Variants in GOLGA4 observed in about 807,000 individuals in gnomAD.
GOLGA4 encodes golgin subfamily A member 4.
GOLGA4 carries 169 observed loss-of-function variants against 265.9 expected under a neutral mutation model. That is an observed-to-expected ratio of 0.64 (90% CI 0.56 to 0.72). The LOEUF is 0.72. GOLGA4 is among the 30% of genes least tolerant of loss of function. The pLI is 0.00. For synonymous variants in GOLGA4, 923 were observed against 855.8 expected, an observed-to-expected ratio of 1.08 and a Z score of -1.37; for missense variants, 2,482 against 2,483.4, an observed-to-expected ratio of 1.00 and a Z score of 0.01.
At chr3:37,343,451 A>C (rs982537383) in intron 20 of GOLGA4, among the ~76,000 whole-genome samples, 1 of 151,458 alleles carries the variant, frequency 6.6e-6, no homozygotes, top group African/African-American at 2.4e-5. Context: ...TCCTGAACTC[A>C]GGTATCTGCC....
chr3:37,270,202 CTTTTTTT>C (rs144373648), intron 2 of GOLGA4, among the ~76,000 whole-genome samples: 2 of 99,898 alleles, frequency 2.0e-5, no homozygotes, highest in Non-Finnish European at 3.9e-5. Flanking sequence ...CCAGTTGTAG[CTTTTTTT>C]TTTTTTTTTT....
chr3:37,336,084 G>A (rs2097011158), intron 17 of GOLGA4, among the ~76,000 whole-genome samples: 1 of 152,206 alleles, frequency 6.6e-6, no homozygotes, highest in African/African-American at 2.4e-5. Flanking sequence ...CAGAGAAAGA[G>A]CCTCTATAAA....
At chr3:37,294,044 G>C (rs1025913978) in intron 5 of GOLGA4, among the ~76,000 whole-genome samples, 1 of 152,120 alleles carries the variant, frequency 6.6e-6, no homozygotes, top group Non-Finnish European at 1.5e-5. Context: ...TGTGTGGTCC[G>C]TCATCTTCCA....
rs74933218 is a variant in GOLGA4 at position 37,265,399 on chromosome 3, G to T, written c.162+13915G>T. The stretch of plus-strand genomic sequence containing the variant: ...ACATACTTTAGAGAAAAATAATGTG[G>T]TATGTAAGTACAAATAAATGATTAA... On this transcript the variant is annotated intron_variant, in intron 2 of 23. Coordinates refer to ENST00000361924, the MANE Select transcript of GOLGA4 (RefSeq NM_002078.5). Among the ~76,000 whole-genome samples, 1,380 of 152,168 alleles carry T rather than the reference G, an allele frequency of 9.1e-3. 28 individuals carry two copies. Among genetic ancestry groups the T allele is most frequent in the African/African-American group, 0.032 (1,314 of 41,520 alleles).
At chr3:37,267,072 T>A (rs1300309513) in intron 2 of GOLGA4, 1 of 316,058 alleles carries the variant, frequency 3.2e-6, no homozygotes, top group Non-Finnish European at 6.2e-6. Flanking sequence ...TTGCTAACCC[T>A]GCTCTAAAAA....
Position 37,243,514 on chromosome 3 carries a change from G to A in GOLGA4, c.-37G>A, listed in dbSNP as rs1214075290. 1.9e-6 allele frequency: 3 copies of A among 1,599,958 alleles called. No individual in the cohort carries two copies. The highest frequency in any genetic ancestry group is 2.2e-5 in the South Asian group (2 of 90,782). ...GACTCCCCGGGCTCTCGCCCTTCAG[G>A]TTTCGTTGACACTCAGGACCGTACG... is the stretch of plus-strand genomic sequence containing the variant. On this transcript the variant is annotated 5_prime_UTR_variant, in exon 1 of 24. Transcript: ENST00000361924.
intron 17 of GOLGA4, among the ~76,000 whole-genome samples, chr3:37,336,243 C>T (rs2097012012): frequency 1.3e-5 from 2 of 151,866 alleles, no homozygotes; most frequent in Admixed American, 1.3e-4. Flanking sequence ...GCCATTTAGT[C>T]ATGTAGTCAT....
At chr3:37,334,611 A>G (rs992209919) in intron 16 of GOLGA4, among the ~76,000 whole-genome samples, 7 of 152,186 alleles carry the variant, frequency 4.6e-5, no homozygotes, top group African/African-American at 9.7e-5. Flanking sequence ...TTTAATGACT[A>G]TTTTCTAGAA....
At chr3:37,353,788 C>T (rs2097082286) in intron 21 of GOLGA4, among the ~76,000 whole-genome samples, 1 of 151,976 alleles carries the variant, frequency 6.6e-6, no homozygotes, top group Non-Finnish European at 1.5e-5. Flanking sequence ...ATGGGGGTCT[C>T]ACTATGTTTC....
At chr3:37,285,913 C>A (rs1364803045) in intron 3 of GOLGA4, 101 bp from the exon 4 acceptor site, 2 of 655,158 alleles carry the variant, frequency 3.1e-6, no homozygotes, top group South Asian at 2.0e-5. Context: ...AAGGACTCTT[C>A]TAATTTATTT....
chr3:37,298,108 G>GGGTTC (rs1411687091), intron 7 of GOLGA4, among the ~76,000 whole-genome samples: 5 of 152,132 alleles, frequency 3.3e-5, no homozygotes, highest in Non-Finnish European at 5.9e-5. Context: ...ACCGCCCAAA[G>GGGTTC]GGTTCACCTT....
chr3:37,343,110 G>GT (rs2097043040), intron 20 of GOLGA4, among the ~76,000 whole-genome samples: 1 of 151,178 alleles, frequency 6.6e-6, no homozygotes, highest in African/African-American at 2.4e-5. Context: ...GCCAGGCTGG[G>GT]TTTTTTGTTT....
chr3:37,263,131 A>G (rs915727182), intron 2 of GOLGA4, among the ~76,000 whole-genome samples: 7 of 152,146 alleles, frequency 4.6e-5, no homozygotes, highest in Admixed American at 1.3e-4. Flanking sequence ...TGCTTATTCT[A>G]TGTTTACATA....
intron 21 of GOLGA4, among the ~76,000 whole-genome samples, chr3:37,351,238 A>G (rs767890765): frequency 6.6e-6 from 1 of 152,108 alleles, no homozygotes; most frequent in Non-Finnish European, 1.5e-5. Context: ...GTTCATCCAT[A>G]CGAAGCAACT....
intron 2 of GOLGA4, among the ~76,000 whole-genome samples, chr3:37,270,870 G>A (rs564014983): frequency 2.6e-5 from 4 of 151,792 alleles, no homozygotes; most frequent in South Asian, 2.1e-4. Flanking sequence ...ATTGTAATAC[G>A]TAATGAAGTA....
intron 2 of GOLGA4, among the ~76,000 whole-genome samples, chr3:37,257,974 C>CATATAT (rs10526196): frequency 1.0e-4 from 4 of 40,198 alleles, no homozygotes; most frequent in Admixed American, 9.4e-4. Context: ...TATATACATA[C>CATATAT]ATATATATAT....
At chr3:37,328,571 T>A in intron 15 of GOLGA4, 34 bp downstream of exon 15, 1 of 1,576,680 alleles carries the variant, frequency 6.3e-7, no homozygotes, top group Non-Finnish European at 8.7e-7. Context: ...GGAACAATTA[T>A]ATCAGCAGAG....
At chr3:37,327,900 A>G in intron 14 of GOLGA4, 75 bp downstream of exon 14, 1 of 1,151,282 alleles carries the variant, frequency 8.7e-7, no homozygotes, top group Non-Finnish European at 1.2e-6. Context: ...TGCCTAATAC[A>G]GTTATTTTAA....
At chr3:37,343,451 A>G (rs982537383) in intron 20 of GOLGA4, among the ~76,000 whole-genome samples, 1 of 151,458 alleles carries the variant, frequency 6.6e-6, no homozygotes. Context: ...TCCTGAACTC[A>G]GGTATCTGCC....
Sources: gnomAD v4.1 joint callset for allele counts (sites outside exome capture counted in the v4.1 genomes callset) on GRCh38, gnomAD v4.1.1 for gene constraint, MANE v1.5 for transcripts, NCBI Gene and HGNC (gene_info 2026-07-23, HGNC 2026-07-21) for gene names.